RAB11FIP4: variants seen among roughly 807,000 people sequenced by gnomAD.
The protein encoded by RAB11FIP4 is RAB11 family interacting protein 4.
A neutral mutation model predicts 74.3 loss-of-function variants in RAB11FIP4; 23 were observed. The observed-to-expected ratio is 0.31, with a 90% CI of 0.22 to 0.44. The LOEUF is 0.44. Among genes scored for constraint, RAB11FIP4 ranks in the 20% least tolerant of loss-of-function variants. The probability of loss-of-function intolerance (pLI) is 1.00; values close to 1 mark genes in which losing one functional copy is unlikely to be tolerated. For synonymous variants in RAB11FIP4, 360 were observed against 359.9 expected (o/e 1.00, Z 0.00); for missense variants, 630 against 863.9 (o/e 0.73, Z 3.39).
rs1285267307 is a variant in RAB11FIP4 at position 31,533,826 on chromosome 17, G to A, written c.*2094G>A. ...GCGCCATGGGAACAGGCTCCGGAGGGAGCCGGCGTCTGAAAGGCCCCCGGG... is the reference window on the plus strand; with the variant it reads ...GCGCCATGGGAACAGGCTCCGGAGGAAGCCGGCGTCTGAAAGGCCCCCGGG... On this transcript the variant is annotated 3_prime_UTR_variant, in exon 15 of 15. Coordinates refer to ENST00000621161, the MANE Select transcript of RAB11FIP4 (RefSeq NM_032932.6). 2 of 151,980 alleles carry A rather than the reference G, an allele frequency of 1.3e-5. No individual in the cohort carries two copies. The highest frequency in any genetic ancestry group is 6.5e-5 in the Admixed American group (1 of 15,284). 9.4% of individuals were successfully genotyped at this position (151,980 alleles called of 1,614,324 possible).
At chr17:31,506,317 CAT>C (rs1226129781) in intron 3 of RAB11FIP4, among the ~76,000 whole-genome samples, 6 of 152,190 alleles carry the variant, frequency 3.9e-5, no homozygotes, top group Non-Finnish European at 7.3e-5. Context: ...TTTTGATACA[CAT>C]GTGTATTGTG....
At chr17:31,447,113 T>G (rs2071473442) in intron 3 of RAB11FIP4, among the ~76,000 whole-genome samples, 1 of 152,090 alleles carries the variant, frequency 6.6e-6, no homozygotes, top group South Asian at 2.1e-4. Flanking sequence ...TGAAACCCCG[T>G]CTCCACTAAA....
At chr17:31,465,341 G>A (rs1221850476) in intron 3 of RAB11FIP4, among the ~76,000 whole-genome samples, 1 of 151,950 alleles carries the variant, frequency 6.6e-6, no homozygotes, top group Non-Finnish European at 1.5e-5. Flanking sequence ...GTGGACCTGG[G>A]AATCTGCATC....
chr17:31,466,622 G>A (rs1051402744), intron 3 of RAB11FIP4, among the ~76,000 whole-genome samples: 1 of 152,138 alleles, frequency 6.6e-6, no homozygotes, highest in Non-Finnish European at 1.5e-5. Context: ...GGCGTCTACC[G>A]CCTTCCAGTG....
intron 1 of RAB11FIP4, among the ~76,000 whole-genome samples, chr17:31,408,333 A>G (rs1256688589): frequency 6.6e-6 from 1 of 152,222 alleles, no homozygotes; most frequent in African/African-American, 2.4e-5. Context: ...GAGTGCTGCC[A>G]TCTTTACATA....
At position 31,521,434 on chromosome 17, in the gene RAB11FIP4, G is replaced by C. The variant is rs1469455750; in HGVS notation, c.758+74G>C. 11 of 1,334,052 alleles carry C rather than the reference G, an allele frequency of 8.2e-6. No homozygotes were observed. The South Asian group carries it at 1.0e-4, about 12-fold the overall frequency. The allele number at this position is 1,334,052 out of a possible 1,614,324, so 82.6% of individuals were successfully genotyped here. A position where few individuals can be genotyped will look rare whatever the true frequency, so the allele number is the denominator to read the frequency against. On this transcript the variant is annotated intron_variant, in intron 5 of 14. Transcript: ENST00000621161. ...AATTTAAGCACATCCTAGGGGGTGG[G>C]GGGGTGCGAGTCCTGAGCTGGCCCT...
At position 31,411,319 on chromosome 17, in the gene RAB11FIP4, G is replaced by A. The variant is rs376592296; in HGVS notation, c.159+19308G>A. Among the ~76,000 whole-genome samples the A allele has an allele frequency of 3.5e-4, 54 of 152,290 alleles. No homozygotes were observed. The South Asian group carries it at 9.5e-3, about 27-fold the overall frequency. The stretch of plus-strand genomic sequence containing the variant: ...GCAGAGGTTGCAGTGAGCCAAGATC[G>A]CACCACTTCACTCCAGCCTGGGCGA... On this transcript the variant is annotated intron_variant, in intron 1 of 14. Transcript: ENST00000621161.
chr17:31,423,668 C>T (rs2071220774), intron 1 of RAB11FIP4, among the ~76,000 whole-genome samples: 1 of 151,786 alleles, frequency 6.6e-6, no homozygotes, highest in East Asian at 1.9e-4. Flanking sequence ...TATACATACT[C>T]CAGGGGCCAG....
intron 1 of RAB11FIP4, among the ~76,000 whole-genome samples, chr17:31,427,543 A>G (rs2071265614): frequency 6.6e-6 from 1 of 152,196 alleles, no homozygotes; most frequent in African/African-American, 2.4e-5. Flanking sequence ...GGACACAGGG[A>G]TTACAGAATC....
Position 31,532,879 on chromosome 17 carries a change from A to T in RAB11FIP4, c.*1147A>T, listed in dbSNP as rs527610193. On this transcript the variant is annotated 3_prime_UTR_variant, in exon 15 of 15. Transcript: ENST00000621161. ...AGTTGCAGGAAAACCTTAGTCTTCCATCCTTCTGACCCATGGTGGAAATTC... is the reference window on the plus strand; with the variant it reads ...AGTTGCAGGAAAACCTTAGTCTTCCTTCCTTCTGACCCATGGTGGAAATTC... The T allele has an allele frequency of 6.6e-6, 1 of 152,336 alleles. No individual in the cohort carries two copies. The highest frequency in any genetic ancestry group is 1.9e-4 in the East Asian group (1 of 5,196). The allele number at this position is 152,336 out of a possible 1,614,324, so 9.4% of individuals were successfully genotyped here.
At chr17:31,421,330 T>C (rs975726671) in intron 1 of RAB11FIP4, among the ~76,000 whole-genome samples, 2 of 152,006 alleles carry the variant, frequency 1.3e-5, no homozygotes, top group African/African-American at 4.8e-5. Context: ...GTAATTCTCG[T>C]GCTTCAGCCT....
Position 31,414,837 on chromosome 17 carries a change from C to T in RAB11FIP4, c.160-16976C>T, listed in dbSNP as rs367760150. 2.5e-3 allele frequency among the ~76,000 whole-genome samples: 378 copies of T among 152,352 alleles called. 3 individuals are homozygous for T. The highest frequency in any genetic ancestry group is 8.7e-3 in the African/African-American group (362 of 41,580). ...GGCAGGGGCCCTCCAGCTGTGAGAA[C>T]CAGGAAGCAATGCAAAATAACTTAC... On this transcript the variant is annotated intron_variant, in intron 1 of 14. Coordinates refer to ENST00000621161, the MANE Select transcript of RAB11FIP4 (RefSeq NM_032932.6).
chr17:31,436,271 C>G (rs147130866), intron 3 of RAB11FIP4, among the ~76,000 whole-genome samples: 2 of 152,126 alleles, frequency 1.3e-5, no homozygotes, highest in East Asian at 1.9e-4. Flanking sequence ...GAAGACAGAC[C>G]CCTAATACGT....
At chr17:31,430,675 A>G (rs1210658172) in intron 1 of RAB11FIP4, among the ~76,000 whole-genome samples, 2 of 151,898 alleles carry the variant, frequency 1.3e-5, no homozygotes, top group Non-Finnish European at 2.9e-5. Flanking sequence ...TTGGATTTTT[A>G]TCCTAAGTGT....
chr17:31,400,617 G>T (rs1228127336), intron 1 of RAB11FIP4, among the ~76,000 whole-genome samples: 2 of 152,252 alleles, frequency 1.3e-5, no homozygotes, highest in African/African-American at 4.8e-5. Context: ...ATGGGCGCTG[G>T]GGGCCAGGAG....
At chr17:31,457,742 T>A (rs958627258) in intron 3 of RAB11FIP4, among the ~76,000 whole-genome samples, 2 of 149,522 alleles carry the variant, frequency 1.3e-5, no homozygotes, top group African/African-American at 4.9e-5. Context: ...CCCTACCCTC[T>A]GTCTCTCAAC....
intron 3 of RAB11FIP4, among the ~76,000 whole-genome samples, chr17:31,510,435 C>T (rs1325129491): frequency 2.6e-5 from 4 of 152,248 alleles, no homozygotes; most frequent in East Asian, 3.8e-4. Flanking sequence ...GGGAAGTGGG[C>T]ATGTGCCCGC....
intron 3 of RAB11FIP4, among the ~76,000 whole-genome samples, chr17:31,437,476 A>G (rs1462421091): frequency 6.6e-6 from 1 of 151,966 alleles, no homozygotes; most frequent in African/African-American, 2.4e-5. Context: ...TGAGACTGAG[A>G]AGAAGCGGGT....
chr17:31,470,328 T>A (rs915999160), intron 3 of RAB11FIP4, among the ~76,000 whole-genome samples: 3 of 152,208 alleles, frequency 2.0e-5, no homozygotes. Flanking sequence ...CTCCTGGCTT[T>A]CTGCTCTACC....
Sources: allele counts gnomAD v4.1 joint callset (sites outside exome capture counted in the v4.1 genomes callset), GRCh38; gene constraint gnomAD v4.1.1; transcripts MANE v1.5; gene names NCBI Gene and HGNC (gene_info 2026-07-23, HGNC 2026-07-21).